The following HELZ variants were observed in gnomAD, a reference collection of about 807,000 sequenced individuals.
HELZ encodes ATP-dependent RNA helicase with zinc finger domain.
A neutral mutation model predicts 218.2 loss-of-function variants in HELZ; 23 were observed. The observed-to-expected ratio is 0.11, with a 90% confidence interval of 0.08 to 0.15. The LOEUF is 0.15. Ranked by LOEUF, HELZ falls within the 10% of genes least tolerant of loss-of-function variation. HELZ has a pLI of 1.00. For synonymous variants in HELZ, 814 were observed against 829.4 expected (o/e 0.98, Z 0.32); for missense variants, 1,813 against 2,353.7 (o/e 0.77, Z 4.75).
At chr17:67,235,973 G>C (rs2041172505) in intron 3 of HELZ, among the ~76,000 whole-genome samples, 1 of 151,900 alleles carries the variant, frequency 6.6e-6, no homozygotes, top group Non-Finnish European at 1.5e-5. Flanking sequence ...TGTTAGCCAG[G>C]ATGGTCTCGA....
chr17:67,161,753 C>T (rs2039000400), intron 15 of HELZ, among the ~76,000 whole-genome samples: 1 of 152,174 alleles, frequency 6.6e-6, no homozygotes, highest in Admixed American at 6.5e-5. Context: ...CACAGTCGCA[C>T]AGATGGCTAC....
At chr17:67,223,406 A>G (rs2040803589) in intron 3 of HELZ, among the ~76,000 whole-genome samples, 1 of 152,156 alleles carries the variant, frequency 6.6e-6, no homozygotes, top group African/African-American at 2.4e-5. Flanking sequence ...ACATTCGCCC[A>G]TTGCTGAGGT....
intron 31 of HELZ, among the ~76,000 whole-genome samples, chr17:67,100,081 T>C (rs2036877064): frequency 6.6e-6 from 1 of 152,202 alleles, no homozygotes; most frequent in African/African-American, 2.4e-5. Context: ...TATCACCATC[T>C]ATTCCTAAAG....
At position 67,078,276 on chromosome 17, in the gene HELZ, A is replaced by G; in HGVS notation, c.5805T>C (p.Asn1935=). The G allele has an allele frequency of 6.2e-7, 1 of 1,613,406 alleles. No homozygotes were observed. The highest frequency in any genetic ancestry group is 8.5e-7 in the Non-Finnish European group (1 of 1,179,468). Residue 1935 remains asparagine (N), a synonymous_variant, in exon 33 of 33, where the codon AAT becomes AAC. Transcript: ENST00000358691. ...ELSLGSSSGS[N]GFYSYFK is the part of the protein sequence containing the mutation. Reference sequence around the variant, plus strand: ...ATTATTTAAAATATGAGTAAAAGCCATTGCTGCCAGATGAGCTCCCTAGGC... The same window carrying G: ...ATTATTTAAAATATGAGTAAAAGCCGTTGCTGCCAGATGAGCTCCCTAGGC...
rs1183993625 is a variant in HELZ at position 67,128,833 on chromosome 17, C to T, written c.3205G>A (p.Ala1069Thr). The change falls in exon 24 of 33, where the codon GCC becomes ACC. Residue 1069 changes from alanine to threonine, a missense_variant. This residue lies in a region of HELZ where 156 missense variants were observed against 274.4 expected (regional missense o/e 0.57). Transcript: ENST00000358691. Reference protein sequence around the residue: ...RCRKFWERFIALCHENSSLHG... With the variant: ...RCRKFWERFITLCHENSSLHG... ...AGGCTACTGTTTTCATGACACAGGG[C>T]AATAAACCGTTCCCAAAATTTCCTA... 1 of 1,613,952 alleles carries T rather than the reference C, an allele frequency of 6.2e-7. No individual in the cohort carries two copies. The highest frequency in any genetic ancestry group is 1.7e-5 in the Admixed American group (1 of 59,996).
chr17:67,107,259 T>C lies in HELZ; in HGVS notation c.5151A>G (p.Ile1717Met), dbSNP rs1318359476. 1.2e-6 allele frequency: 2 copies of C among 1,614,174 alleles called. No individual in the cohort carries two copies. The highest frequency in any genetic ancestry group is 1.7e-5 in the Admixed American group (1 of 60,030). ...GACCAATAGCATGTTGATGATTCTG[T>C]ATTTGTACAAAAGGGTTCTGCGGTG... is the stretch of plus-strand genomic sequence containing the variant. ...HRPPQNPFVQ[I>M]QNHQHAIGQE... The change falls in exon 31 of 33, where the codon ATA (isoleucine) becomes ATG (methionine). Residue 1717 changes from isoleucine (I) to methionine (M), a missense_variant. Ile to Met is a conservative substitution (Grantham distance 10, BLOSUM62 1). Around this residue, in one of 4 missense-constraint regions of HELZ, gnomAD observed 938 missense variants for 1,027.5 expected, o/e 0.91. Transcript: ENST00000358691.
intron 14 of HELZ, 70 bp downstream of exon 14, chr17:67,167,393 C>T: frequency 1.7e-6 from 2 of 1,181,226 alleles, no homozygotes; most frequent in South Asian, 3.0e-5. Flanking sequence ...AAAAACTAAA[C>T]CAGAGGAAGA....
At chr17:67,165,974 A>T (rs1598353695) in intron 15 of HELZ, among the ~76,000 whole-genome samples, 1 of 152,076 alleles carries the variant, frequency 6.6e-6, no homozygotes, top group Non-Finnish European at 1.5e-5. Context: ...CTACAAAAAA[A>T]AATTTTTTTT....
At chr17:67,101,487 TG>T (rs1310119014) in intron 31 of HELZ, among the ~76,000 whole-genome samples, 2 of 152,008 alleles carry the variant, frequency 1.3e-5, no homozygotes, top group Non-Finnish European at 2.9e-5. Context: ...AACTTATAGA[TG>T]AAGAAAAACA....
intron 5 of HELZ, among the ~76,000 whole-genome samples, chr17:67,207,211 CTTTTTTTTTTTTTT>C (rs61019173): frequency 1.3e-5 from 1 of 75,550 alleles, no homozygotes; most frequent in Non-Finnish European, 2.3e-5. Flanking sequence ...CACGCCCGGC[CTTTTTTTTTTTTTT>C]TTTTTTTTTT....
chr17:67,095,927 C>T (rs2143655545), intron 31 of HELZ, among the ~76,000 whole-genome samples: 1 of 152,268 alleles, frequency 6.6e-6, no homozygotes, highest in South Asian at 2.1e-4. Context: ...GAATCACTGT[C>T]TGTGGCAGCT....
chr17:67,226,779 T>C (rs984098746), intron 3 of HELZ, among the ~76,000 whole-genome samples: 1 of 152,134 alleles, frequency 6.6e-6, no homozygotes, highest in Non-Finnish European at 1.5e-5. Flanking sequence ...ACAGACCTCT[T>C]TGTGATATAA....
At chr17:67,235,020 C>T (rs1167794259) in intron 3 of HELZ, among the ~76,000 whole-genome samples, 1 of 152,196 alleles carries the variant, frequency 6.6e-6, no homozygotes, top group African/African-American at 2.4e-5. Context: ...TCCTATTAGT[C>T]CTTTCATTTT....
At chr17:67,195,320 C>T (rs1013947494) in intron 8 of HELZ, 99 bp downstream of exon 8, 4 of 704,222 alleles carry the variant, frequency 5.7e-6, no homozygotes, top group African/African-American at 1.8e-5. Flanking sequence ...TACATCTCCA[C>T]TTATATGTAC....
intron 32 of HELZ, among the ~76,000 whole-genome samples, chr17:67,083,773 T>A (rs935514098): frequency 6.6e-6 from 1 of 152,208 alleles, no homozygotes; most frequent in African/African-American, 2.4e-5. Flanking sequence ...GGAGGAGGGA[T>A]TCCCCACCCT....
At chr17:67,144,617 T>C (rs2038437765) in intron 21 of HELZ, among the ~76,000 whole-genome samples, 1 of 151,658 alleles carries the variant, frequency 6.6e-6, no homozygotes, top group African/African-American at 2.4e-5. Flanking sequence ...GCTGAGAAAC[T>C]GAGTCTCTGG....
chr17:67,173,980 T>C (rs1442877803), intron 13 of HELZ, among the ~76,000 whole-genome samples: 2 of 152,188 alleles, frequency 1.3e-5, no homozygotes, highest in African/African-American at 4.8e-5. Flanking sequence ...CCTTTGAAAA[T>C]GTATCTCTTA....
At chr17:67,198,872 A>C (rs148404617) in intron 7 of HELZ, among the ~76,000 whole-genome samples, 121 of 152,328 alleles carry the variant, frequency 7.9e-4, no homozygotes, top group African/African-American at 2.8e-3. Flanking sequence ...CTACTACTCT[A>C]GTTAGATAGA....
Position 67,214,586 on chromosome 17 carries a change from A to C in HELZ, c.247+1313T>G, listed in dbSNP as rs145220746. On this transcript the variant is annotated intron_variant, in intron 5 of 32. Coordinates refer to ENST00000358691, the MANE Select transcript of HELZ (RefSeq NM_014877.4). ...CGGCCTAATACTTTTTAAAATGTTA[A>C]CACAAAGGAGTAAGCAGGGAAAAAA... Among the ~76,000 whole-genome samples, 112 of 151,914 alleles carry C rather than the reference A, an allele frequency of 7.4e-4. 1 individual carries two copies. The highest frequency in any genetic ancestry group is 2.7e-3 in the African/African-American group (110 of 41,468).
Sources: gnomAD v4.1 joint callset for allele counts (sites outside exome capture counted in the v4.1 genomes callset) on GRCh38, gnomAD v4.1.1 for gene constraint, gnomAD v4.1.1 regional missense constraint, MANE v1.5 for transcripts, NCBI Gene and HGNC (gene_info 2026-07-23, HGNC 2026-07-21) for gene names.